Variants in GIT2 observed in about 807,000 individuals in gnomAD.
GIT2 encodes the protein GIT ArfGAP 2.
GIT2 carries 32 observed loss-of-function variants against 100.3 expected under a neutral mutation model. The observed-to-expected ratio is 0.32, with a 90% CI of 0.24 to 0.43. GIT2 has a LOEUF of 0.43. GIT2 is among the 20% of genes least tolerant of loss of function. The pLI, the probability that GIT2 is intolerant of heterozygous loss-of-function variation, is 1.00. For synonymous variants in GIT2, 353 were observed against 364.1 expected, an observed-to-expected ratio of 0.97 and a Z score of 0.35; for missense variants, 737 against 975.1, an observed-to-expected ratio of 0.76 and a Z score of 3.25.
chr12:109,966,291 C>T (rs1334835694), intron 8 of GIT2, among the ~76,000 whole-genome samples: 4 of 142,798 alleles, frequency 2.8e-5, no homozygotes, highest in Non-Finnish European at 4.6e-5. Flanking sequence ...ACTGCCCTGG[C>T]GAGGTCAGGG....
At chr12:109,985,107 C>T (rs754374067) in intron 4 of GIT2, among the ~76,000 whole-genome samples, 8 of 152,096 alleles carry the variant, frequency 5.3e-5, no homozygotes, top group Non-Finnish European at 7.3e-5. Context: ...AAGAAATCTA[C>T]TCTAACATCT....
intron 1 of GIT2, among the ~76,000 whole-genome samples, chr12:109,994,075 CAAAAAAAAAAA>C (rs34393850): frequency 5.0e-5 from 3 of 59,692 alleles, no homozygotes; most frequent in South Asian, 5.9e-4. Context: ...ACACTAATGG[CAAAAAAAAAAA>C]AAAAAAAAAA....
chr12:109,956,619 T>C (rs1879550428), intron 12 of GIT2, among the ~76,000 whole-genome samples: 1 of 152,210 alleles, frequency 6.6e-6, no homozygotes, highest in South Asian at 2.1e-4. Flanking sequence ...CACATGAGGA[T>C]CAATTGTGTA....
intron 1 of GIT2, among the ~76,000 whole-genome samples, chr12:109,993,294 G>A (rs1218868002): frequency 6.6e-6 from 1 of 152,084 alleles, no homozygotes; most frequent in Non-Finnish European, 1.5e-5. Context: ...TAAGCTGCCT[G>A]GTCAAAGGGT....
chr12:109,989,367 G>A (rs1339667913), intron 3 of GIT2, among the ~76,000 whole-genome samples: 1 of 152,170 alleles, frequency 6.6e-6, no homozygotes, highest in Admixed American at 6.5e-5. Context: ...TATAAGTGAG[G>A]CAACAGGCAG....
intron 7 of GIT2, among the ~76,000 whole-genome samples, chr12:109,970,561 C>T (rs1015087288): frequency 2.0e-4 from 31 of 152,164 alleles, no homozygotes; most frequent in African/African-American, 7.0e-4. Flanking sequence ...ATTACCTTTG[C>T]ACTTTTGACA....
intron 4 of GIT2, among the ~76,000 whole-genome samples, chr12:109,985,815 T>C (rs1887268452): frequency 6.6e-6 from 1 of 151,416 alleles, no homozygotes. Context: ...ATCGTGCCAC[T>C]GCACTCCAGC....
Position 109,947,804 on chromosome 12 carries a change from G to T in GIT2, c.1393-300C>A. On this transcript the variant is annotated intron_variant, in intron 14 of 19. Coordinates refer to ENST00000355312, the MANE Select transcript of GIT2 (RefSeq NM_057169.5). This position sits in a 1 kb window ranked among gnomAD's most constrained non-coding sequence, Gnocchi z 4.3. ...TTTAAAATTTGTCATGGTGGGGCTGGGAAATGTTTGCAGGCAAGCTGTACA... is the reference window on the plus strand; with the variant it reads ...TTTAAAATTTGTCATGGTGGGGCTGTGAAATGTTTGCAGGCAAGCTGTACA... 1 of 329,612 alleles carries T rather than the reference G, an allele frequency of 3.0e-6. No homozygotes were observed. Among genetic ancestry groups the T allele is most frequent in the Non-Finnish European group, 5.7e-6 (1 of 175,630 alleles). 20.4% of individuals were successfully genotyped at this position (329,612 alleles called of 1,614,324 possible).
intron 4 of GIT2, among the ~76,000 whole-genome samples, chr12:109,984,048 C>T (rs1345586539): frequency 1.3e-5 from 2 of 152,088 alleles, no homozygotes; most frequent in African/African-American, 4.8e-5. Context: ...CAAACTATAC[C>T]CACTTCAAGC....
At chr12:109,999,921 C>G, upstream of GIT2, 1 of 670,804 alleles carries the variant, frequency 1.5e-6, no homozygotes, top group Non-Finnish European at 2.3e-6. The surrounding 1 kb of genome is among the most constrained non-coding windows in gnomAD (Gnocchi z 4.3). Flanking sequence ...GTGGGACAGT[C>G]CTAATAATAG....
chr12:109,959,379 AT>A (rs1489464505), intron 12 of GIT2, among the ~76,000 whole-genome samples: 2 of 151,944 alleles, frequency 1.3e-5, no homozygotes, highest in Admixed American at 6.6e-5. Context: ...AGAAGAGTTT[AT>A]TTTCTTATGT....
At chr12:109,979,574 A>G (rs1382107931) in intron 7 of GIT2, among the ~76,000 whole-genome samples, 1 of 152,120 alleles carries the variant, frequency 6.6e-6, no homozygotes, top group Non-Finnish European at 1.5e-5. Context: ...CACCCCGCAG[A>G]AAAAGGCTTT....
chr12:109,974,034 A>G (rs1884522338), intron 7 of GIT2, among the ~76,000 whole-genome samples: 1 of 150,788 alleles, frequency 6.6e-6, no homozygotes, highest in South Asian at 2.1e-4. Flanking sequence ...AGAGCAAGAC[A>G]CCATCTCAAA....
chr12:109,995,918 C>G (rs80209299), intron 1 of GIT2, among the ~76,000 whole-genome samples: 10,702 of 152,254 alleles, frequency 0.07, 613 homozygotes, highest in African/African-American at 0.15. Context: ...GCCCCCGTCA[C>G]CTCCCCAGTT....
chr12:109,982,892 C>G (rs1219398378), intron 6 of GIT2: 2 of 152,308 alleles, frequency 1.3e-5, no homozygotes, highest in African/African-American at 4.8e-5. Flanking sequence ...GTAACCCACC[C>G]GCCTTGGACC....
rs138077285 is a variant in GIT2 at position 109,994,177 on chromosome 12, TATTA to T, written c.52+1992_52+1995del. Among the ~76,000 whole-genome samples, 1,037 of 151,748 alleles carry T rather than the reference TATTA, an allele frequency of 6.8e-3. 1 individual carries two copies. The highest frequency in any genetic ancestry group is 9.5e-3 in the Non-Finnish European group (643 of 67,954). On this transcript the variant is annotated intron_variant, in intron 1 of 19. Coordinates refer to ENST00000355312, the MANE Select transcript of GIT2 (RefSeq NM_057169.5). Reference sequence around the variant, plus strand: ...CTTTTTTTAGCAAGTATTTAACACATATTAATTAAGACAAGTATTCGACTAACCA... The same window carrying T: ...CTTTTTTTAGCAAGTATTTAACACATATTAAGACAAGTATTCGACTAACCA...
intron 13 of GIT2, among the ~76,000 whole-genome samples, chr12:109,951,789 G>A (rs1208705890): frequency 6.6e-6 from 1 of 152,168 alleles, no homozygotes; most frequent in Non-Finnish European, 1.5e-5. Context: ...AGGGTGATGA[G>A]TGCTGTGGGA....
At chr12:109,980,884 T>C in intron 7 of GIT2, 68 bp downstream of exon 7, 1 of 903,016 alleles carries the variant, frequency 1.1e-6, no homozygotes, top group Admixed American at 1.7e-5. Flanking sequence ...TAACAAATAG[T>C]GTCCCAACTT....
intron 12 of GIT2, among the ~76,000 whole-genome samples, chr12:109,956,940 C>A (rs1235773432): frequency 1.3e-5 from 2 of 151,864 alleles, no homozygotes; most frequent in Non-Finnish European, 2.9e-5. Flanking sequence ...ATCACTTGAG[C>A]CTGGGTGGCA....
Sources: gnomAD v4.1 joint callset for allele counts (sites outside exome capture counted in the v4.1 genomes callset) on GRCh38, gnomAD v4.1.1 for gene constraint, Gnocchi (gnomAD v3.1) non-coding constraint, MANE v1.5 for transcripts, NCBI Gene and HGNC (gene_info 2026-07-23, HGNC 2026-07-21) for gene names.